SH3GL2: variants seen among roughly 807,000 people sequenced by gnomAD.
The protein encoded by SH3GL2 is SH3 domain containing GRB2 like 2, endophilin A1.
In SH3GL2, 24 loss-of-function variants were observed where a neutral mutation model predicts 46.0. That is an observed-to-expected ratio of 0.52 (90% CI 0.38 to 0.73). The LOEUF is 0.73. Ranked by LOEUF, SH3GL2 falls within the 30% of genes least tolerant of loss-of-function variation. The pLI, the probability that SH3GL2 is intolerant of heterozygous loss-of-function variation, is 0.00. For missense variants in SH3GL2, 413 were observed against 424.2 expected (o/e 0.97, Z 0.23); for synonymous variants, 196 against 147.1 (o/e 1.33, Z -2.40).
chr9:17,580,396 G>C (rs1386566116), intron 1 of SH3GL2, among the ~76,000 whole-genome samples: 1 of 152,158 alleles, frequency 6.6e-6, no homozygotes, highest in Non-Finnish European at 1.5e-5. Flanking sequence ...GAAAAGGTGA[G>C]GGTTGTGTTT....
chr9:17,610,074 G>T lies in SH3GL2; in HGVS notation c.45+30787G>T, dbSNP rs117385981. Among the ~76,000 whole-genome samples, 311 of 152,302 alleles carry T rather than the reference G, an allele frequency of 2.0e-3. 3 individuals carry two copies. In the East Asian group the frequency reaches 0.058, roughly 28 times the overall value. The stretch of plus-strand genomic sequence containing the variant: ...TGTATTGTCATATCCCCTGTGTGCA[G>T]TTTTAACTCTGTGAGTCTGGATTTG... On this transcript the variant is annotated intron_variant, in intron 1 of 8. Coordinates refer to ENST00000380607, the MANE Select transcript of SH3GL2 (RefSeq NM_003026.5).
chr9:17,641,169 G>T (rs924752906), intron 1 of SH3GL2, among the ~76,000 whole-genome samples: 1 of 152,108 alleles, frequency 6.6e-6, no homozygotes, highest in South Asian at 2.1e-4. Context: ...CTCTGTGCTT[G>T]AGTTGAATAT....
chr9:17,671,833 C>T (rs754767812), intron 1 of SH3GL2, among the ~76,000 whole-genome samples: 2 of 152,158 alleles, frequency 1.3e-5, no homozygotes, highest in African/African-American at 2.4e-5. Context: ...TGCCTTGAGA[C>T]AACAACCAAG....
intron 1 of SH3GL2, among the ~76,000 whole-genome samples, chr9:17,587,652 C>T (rs200877610): frequency 1.5e-4 from 23 of 152,092 alleles, no homozygotes; most frequent in African/African-American, 5.1e-4. Flanking sequence ...CCGAGGTGGG[C>T]GGGTCACCTG....
chr9:17,668,018 A>T (rs1820387678), intron 1 of SH3GL2, among the ~76,000 whole-genome samples: 2 of 152,238 alleles, frequency 1.3e-5, no homozygotes, highest in Non-Finnish European at 1.5e-5. Context: ...TATTAAGTTT[A>T]TATGTTCTGG....
chr9:17,746,328 G>A (rs773716253), intron 1 of SH3GL2, among the ~76,000 whole-genome samples: 2 of 152,082 alleles, frequency 1.3e-5, no homozygotes, highest in Non-Finnish European at 2.9e-5. Flanking sequence ...CACCCGCCTC[G>A]GCCTCCCAAA....
chr9:17,791,517 G>T (rs888829880), intron 7 of SH3GL2, among the ~76,000 whole-genome samples, 183 bp downstream of exon 7: 3 of 152,110 alleles, frequency 2.0e-5, no homozygotes. Flanking sequence ...ACGTTGTTCT[G>T]TTGAATCTAA....
chr9:17,682,971 A>G (rs938537309), intron 1 of SH3GL2, among the ~76,000 whole-genome samples: 4 of 152,102 alleles, frequency 2.6e-5, no homozygotes, highest in Admixed American at 6.6e-5. Context: ...CATGCTTACA[A>G]TAGTAAAAAA....
chr9:17,679,069 G>A (rs981371403), intron 1 of SH3GL2, among the ~76,000 whole-genome samples: 33 of 152,126 alleles, frequency 2.2e-4, no homozygotes, highest in Non-Finnish European at 4.1e-4. Context: ...GTAGTGTGAT[G>A]CCTCCAGCTT....
chr9:17,648,628 T>G (rs1214368688), intron 1 of SH3GL2, among the ~76,000 whole-genome samples: 1 of 152,230 alleles, frequency 6.6e-6, no homozygotes, highest in Non-Finnish European at 1.5e-5. Flanking sequence ...TTTTCTAAAA[T>G]GTACTGAGGT....
intron 8 of SH3GL2, among the ~76,000 whole-genome samples, chr9:17,795,255 G>A (rs1014801527): frequency 3.3e-5 from 5 of 152,176 alleles, no homozygotes; most frequent in African/African-American, 1.2e-4. Context: ...GAACTGTGTT[G>A]TATGTATCAC....
intron 1 of SH3GL2, among the ~76,000 whole-genome samples, chr9:17,621,391 A>G (rs2134601937): frequency 6.6e-6 from 1 of 152,340 alleles, no homozygotes; most frequent in Non-Finnish European, 1.5e-5. Context: ...TTAATCAGCC[A>G]TTGGGTTGAA....
intron 3 of SH3GL2, among the ~76,000 whole-genome samples, chr9:17,775,589 T>C (rs907281393): frequency 6.6e-6 from 1 of 152,188 alleles, no homozygotes; most frequent in Admixed American, 6.5e-5. Flanking sequence ...ATAGTAGCAA[T>C]TAATGAATAC....
chr9:17,710,965 A>G (rs1467148345), intron 1 of SH3GL2, among the ~76,000 whole-genome samples: 3 of 151,998 alleles, frequency 2.0e-5, no homozygotes, highest in South Asian at 4.1e-4. Flanking sequence ...TATACTTAAT[A>G]AAAGATATAT....
At chr9:17,761,955 A>G (rs566332381) in intron 3 of SH3GL2, among the ~76,000 whole-genome samples, 1 of 152,318 alleles carries the variant, frequency 6.6e-6, no homozygotes, top group African/African-American at 2.4e-5. Context: ...CAAAGTCTTC[A>G]GAGCGTTGAT....
At chr9:17,756,303 T>A (rs9407833) in intron 2 of SH3GL2, among the ~76,000 whole-genome samples, 3,929 of 152,260 alleles carry the variant, frequency 0.026, 152 homozygotes, top group African/African-American at 0.089. Flanking sequence ...TATTTACAGT[T>A]TCACTTTCTT....
At chr9:17,773,953 A>T (rs1461215717) in intron 3 of SH3GL2, among the ~76,000 whole-genome samples, 1 of 152,018 alleles carries the variant, frequency 6.6e-6, no homozygotes, top group African/African-American at 2.4e-5. Context: ...CCATTTATAT[A>T]TGTCTTTTAA....
intron 1 of SH3GL2, among the ~76,000 whole-genome samples, chr9:17,591,520 A>C (rs1039449909): frequency 6.6e-6 from 1 of 152,198 alleles, no homozygotes; most frequent in African/African-American, 2.4e-5. Context: ...TCATTGGTGT[A>C]TTAAACAAGT....
chr9:17,772,495 TC>T (rs1300773357), intron 3 of SH3GL2, among the ~76,000 whole-genome samples: 1 of 152,112 alleles, frequency 6.6e-6, no homozygotes, highest in East Asian at 1.9e-4. Flanking sequence ...AAGTAATAAC[TC>T]CCCCTTTCCT....
Sources: gnomAD v4.1 joint callset for allele counts (sites outside exome capture counted in the v4.1 genomes callset) on GRCh38, gnomAD v4.1.1 for gene constraint, MANE v1.5 for transcripts, NCBI Gene and HGNC (gene_info 2026-07-23, HGNC 2026-07-21) for gene names.